Variants in PARD3B observed in about 807,000 individuals in gnomAD.
PARD3B encodes the protein partitioning defective 3 homolog B.
Under a neutral mutation model 130.2 loss-of-function variants are expected in PARD3B, and 103 were observed. The observed-to-expected ratio is 0.79, with a 90% CI of 0.67 to 0.93. The LOEUF is 0.93. Among genes scored for constraint, PARD3B ranks in the 40% least tolerant of loss-of-function variants. The probability of loss-of-function intolerance (pLI) is 0.00; values close to 1 mark genes in which losing one functional copy is unlikely to be tolerated. For missense variants in PARD3B, 1,609 were observed against 1,499.2 expected (o/e 1.07, Z -1.21); for synonymous variants, 583 against 553.2 (o/e 1.05, Z -0.76).
At chr2:204,831,186 A>G (rs925242013) in intron 2 of PARD3B, among the ~76,000 whole-genome samples, 2 of 152,136 alleles carry the variant, frequency 1.3e-5, no homozygotes, top group South Asian at 2.1e-4. Flanking sequence ...GAACTTTTCT[A>G]TGAATAGAAA....
At position 205,321,227 on chromosome 2, in the gene PARD3B, T is replaced by C. The variant is rs2042740871; in HGVS notation, c.2630+19526T>C. On this transcript the variant is annotated intron_variant, in intron 18 of 22. Coordinates refer to ENST00000406610, the MANE Select transcript of PARD3B (RefSeq NM_001302769.2). This position sits in a 1 kb window ranked among gnomAD's most constrained non-coding sequence, Gnocchi z 4.2. ...GAGTATTGATTGTTGATTTACAAGA[T>C]TGAAGGAAATAGTAATTGTGTCTGA... Among the ~76,000 whole-genome samples, 1 of 152,212 alleles carries C rather than the reference T, an allele frequency of 6.6e-6. No homozygotes were observed. Among genetic ancestry groups the C allele is most frequent in the African/African-American group, 2.4e-5 (1 of 41,448 alleles).
intron 4 of PARD3B, among the ~76,000 whole-genome samples, chr2:205,097,558 G>C (rs1436326563): frequency 6.6e-6 from 1 of 152,206 alleles, no homozygotes; most frequent in African/African-American, 2.4e-5. Context: ...TTGAAGTGTG[G>C]CTCCTGGACA....
chr2:204,628,221 A>G (rs1208731092), intron 1 of PARD3B, among the ~76,000 whole-genome samples: 2 of 151,874 alleles, frequency 1.3e-5, no homozygotes, highest in African/African-American at 2.4e-5. Context: ...CTTTGCTTTT[A>G]GGAAGATCAT....
rs2053228758 is a variant in PARD3B at position 205,563,896 on chromosome 2, C to T, written c.3260+10493C>T. Among the ~76,000 whole-genome samples the T allele has an allele frequency of 6.6e-6, 1 of 152,176 alleles. No individual in the cohort carries two copies. Among genetic ancestry groups the T allele is most frequent in the Admixed American group, 6.5e-5 (1 of 15,278 alleles). ...GACCAGGTCCCCAGCCCCTAGATTG[C>T]ACTCTGCACCACTCCTCCACAGAAC... is the stretch of plus-strand genomic sequence containing the variant. On this transcript the variant is annotated intron_variant, in intron 22 of 22. Coordinates refer to ENST00000406610, the MANE Select transcript of PARD3B (RefSeq NM_001302769.2). The surrounding 1 kb of genome is among the most constrained non-coding windows in gnomAD (Gnocchi z 4.2).
Position 205,021,635 on chromosome 2 carries a change from TC to T in PARD3B, c.395-25945del. On this transcript the variant is annotated intron_variant, in intron 3 of 22. Transcript: ENST00000406610. This position sits in a 1 kb window ranked among gnomAD's most constrained non-coding sequence, Gnocchi z 4.5. ...CTCTCTCTCTCCCTCTCTCTTTCTC[TC>T]TCTCTCTCTCTCTCTATATATATAT... is the stretch of plus-strand genomic sequence containing the variant. Among the ~76,000 whole-genome samples the T allele has an allele frequency of 9.5e-6, 1 of 104,734 alleles. No individual in the cohort carries two copies. The highest frequency in any genetic ancestry group is 2.1e-5 in the Non-Finnish European group (1 of 47,516). 68.7% of individuals were successfully genotyped at this position (104,734 alleles called of 152,430 possible). A position where few individuals can be genotyped will look rare whatever the true frequency, so the allele number is the denominator to read the frequency against.
chr2:205,562,465 G>C lies in PARD3B; in HGVS notation c.3260+9062G>C, dbSNP rs535375368. 6.6e-6 allele frequency among the ~76,000 whole-genome samples: 1 copy of C among 152,148 alleles called. No individual in the cohort carries two copies. The highest frequency in any genetic ancestry group is 1.5e-5 in the Non-Finnish European group (1 of 68,038). ...AAACTGCTACACATTTGTTGGCTAA[G>C]TACTCTTTTGAGAGGAAGAGTATGT... On this transcript the variant is annotated intron_variant, in intron 22 of 22. Coordinates refer to ENST00000406610, the MANE Select transcript of PARD3B (RefSeq NM_001302769.2). The surrounding 1 kb of genome is among the most constrained non-coding windows in gnomAD (Gnocchi z 5.4).
intron 1 of PARD3B, among the ~76,000 whole-genome samples, chr2:204,586,899 A>G (rs960711222): frequency 1.3e-5 from 2 of 152,174 alleles, no homozygotes; most frequent in Admixed American, 1.3e-4. Flanking sequence ...TGAACATGGC[A>G]TGTTCGAATG....
intron 2 of PARD3B, among the ~76,000 whole-genome samples, chr2:204,963,330 T>C (rs557660981): frequency 7.9e-5 from 12 of 152,238 alleles, no homozygotes; most frequent in African/African-American, 2.9e-4. Context: ...CTTTTAAGCT[T>C]TTGTATTATA....
intron 1 of PARD3B, among the ~76,000 whole-genome samples, chr2:204,682,520 C>T (rs896632379): frequency 2.0e-5 from 3 of 152,068 alleles, no homozygotes; most frequent in Admixed American, 6.5e-5. Context: ...AAGAAAATTC[C>T]GTTTTGTTTT....
At chr2:204,891,856 C>T (rs141527713) in intron 2 of PARD3B, among the ~76,000 whole-genome samples, 284 of 152,250 alleles carry the variant, frequency 1.9e-3, no homozygotes, top group African/African-American at 6.4e-3. Context: ...GTTCTGGTAC[C>T]CCTGGCTCTG....
At chr2:204,984,493 TAG>T (rs1175533565) in intron 3 of PARD3B, among the ~76,000 whole-genome samples, 2 of 152,112 alleles carry the variant, frequency 1.3e-5, no homozygotes, top group African/African-American at 4.8e-5. Flanking sequence ...TTAGGAGAAG[TAG>T]ATGTTTCCCT....
intron 2 of PARD3B, among the ~76,000 whole-genome samples, chr2:204,794,243 T>G (rs2042291829): frequency 6.6e-6 from 1 of 152,190 alleles, no homozygotes; most frequent in Non-Finnish European, 1.5e-5. Flanking sequence ...GACTTAAATC[T>G]CTATAAATTT....
rs1385628316 is a variant in PARD3B, at chr2:204,907,857, AC to A, written c.223-57294del. Among the ~76,000 whole-genome samples the A allele has an allele frequency of 1.3e-5, 2 of 152,032 alleles. No homozygotes were observed. The highest frequency in any genetic ancestry group is 2.9e-5 in the Non-Finnish European group (2 of 67,996). On this transcript the variant is annotated intron_variant, in intron 2 of 22. Coordinates refer to ENST00000406610, the MANE Select transcript of PARD3B (RefSeq NM_001302769.2). This position sits in a 1 kb window ranked among gnomAD's most constrained non-coding sequence, Gnocchi z 5.7. Reference sequence around the variant, plus strand: ...GCTGGGACTACAGGTGTGTGGTAGCACGCCCAGCTGATTTTTGTATTTTTTG... The same window carrying A: ...GCTGGGACTACAGGTGTGTGGTAGCAGCCCAGCTGATTTTTGTATTTTTTG...
chr2:204,999,625 C>G, intron 3 of PARD3B, among the ~76,000 whole-genome samples: 1 of 152,188 alleles, frequency 6.6e-6, no homozygotes, highest in East Asian at 1.9e-4. Flanking sequence ...CACTGATAAT[C>G]ATTGTCCTTT....
chr2:205,372,718 C>T (rs1271370156), intron 18 of PARD3B, among the ~76,000 whole-genome samples: 1 of 152,152 alleles, frequency 6.6e-6, no homozygotes, highest in Non-Finnish European at 1.5e-5. Context: ...TGGTGGCTCA[C>T]ACTTGTAATA....
chr2:205,332,470 G>C, intron 18 of PARD3B, among the ~76,000 whole-genome samples: 1 of 152,160 alleles, frequency 6.6e-6, no homozygotes, highest in East Asian at 1.9e-4. Flanking sequence ...AAAGAGGGGA[G>C]GGAGAAAGCG....
intron 1 of PARD3B, among the ~76,000 whole-genome samples, chr2:204,573,859 C>G (rs2032124946): frequency 6.6e-6 from 1 of 152,204 alleles, no homozygotes; most frequent in African/African-American, 2.4e-5. Flanking sequence ...GGCTCATCCC[C>G]AGGCCCTTTC....
At chr2:205,007,817 A>G (rs1300668918) in intron 3 of PARD3B, among the ~76,000 whole-genome samples, 7 of 152,186 alleles carry the variant, frequency 4.6e-5, no homozygotes, top group Non-Finnish European at 1.0e-4. Context: ...TCTCTCATCC[A>G]TGAACATGGG....
In PARD3B at chr2:205,550,923, ATGTGTGTG is replaced by A. The variant is rs372406832; in HGVS notation, c.3181-2389_3181-2382del. On this transcript the variant is annotated intron_variant, in intron 21 of 22. Transcript: ENST00000406610. This position sits in a 1 kb window ranked among gnomAD's most constrained non-coding sequence, Gnocchi z 4.5. ...AATCATGTTATAAATACATATAATT[ATGTGTGTG>A]TGTGTGTGTGTATATATATATGTGT... is the stretch of plus-strand genomic sequence containing the variant. 7.5e-3 allele frequency among the ~76,000 whole-genome samples: 1,011 copies of A among 135,034 alleles called. 6 individuals are homozygous for A. Among genetic ancestry groups the A allele is most frequent in the Non-Finnish European group, 0.012 (793 of 64,470 alleles). The allele number at this position is 135,034 out of a possible 152,430, so 88.6% of individuals were successfully genotyped here.
Sources: allele counts gnomAD v4.1 joint callset (sites outside exome capture counted in the v4.1 genomes callset), GRCh38; gene constraint gnomAD v4.1.1; non-coding constraint Gnocchi (gnomAD v3.1); transcripts MANE v1.5; gene names NCBI Gene and HGNC (gene_info 2026-07-23, HGNC 2026-07-21).